PIK3C2A: variants seen among roughly 807,000 people sequenced by gnomAD.
PIK3C2A encodes phosphatidylinositol 4-phosphate 3-kinase C2 domain-containing subunit alpha.
Under a neutral mutation model 204.5 loss-of-function variants are expected in PIK3C2A, and 97 were observed. The observed-to-expected ratio is 0.47, with a 90% confidence interval of 0.40 to 0.56. PIK3C2A has a LOEUF of 0.56. Among genes scored for constraint, PIK3C2A ranks in the 20% least tolerant of loss-of-function variants. PIK3C2A has a pLI of 0.00. For synonymous variants in PIK3C2A, 653 were observed against 664.4 expected, an observed-to-expected ratio of 0.98 and a Z score of 0.26; for missense variants, 1,735 against 1,969.2, an observed-to-expected ratio of 0.88 and a Z score of 2.25.
At chr11:17,195,549 A>G (rs1160304948) in intron 1 of PIK3C2A, among the ~76,000 whole-genome samples, 1 of 151,292 alleles carries the variant, frequency 6.6e-6, no homozygotes, top group African/African-American at 2.4e-5. Flanking sequence ...GTGAAACTCC[A>G]TCTCTACCAA....
intron 3 of PIK3C2A, among the ~76,000 whole-genome samples, chr11:17,152,026 C>G (rs537050176): frequency 2.0e-5 from 3 of 152,174 alleles, no homozygotes; most frequent in Non-Finnish European, 4.4e-5. Flanking sequence ...AAAGTAAAAG[C>G]AGAAATTCTT....
intron 19 of PIK3C2A, chr11:17,115,651 T>C (rs940448760): frequency 6.6e-6 from 1 of 152,170 alleles, no homozygotes; most frequent in Non-Finnish European, 1.5e-5. Flanking sequence ...CTTTTTTATT[T>C]AAAAATTTTT....
chr11:17,206,453 T>C (rs1352072567), intron 1 of PIK3C2A, among the ~76,000 whole-genome samples: 1 of 151,980 alleles, frequency 6.6e-6, no homozygotes, highest in Non-Finnish European at 1.5e-5. Flanking sequence ...TAGGGTCCTT[T>C]CGTCTAATTT....
At chr11:17,149,876 C>T (rs1850371831) in intron 4 of PIK3C2A, among the ~76,000 whole-genome samples, 1 of 152,082 alleles carries the variant, frequency 6.6e-6, no homozygotes, top group Admixed American at 6.6e-5. Flanking sequence ...AGACACATTC[C>T]TAGTCATAAC....
Position 17,184,137 on chromosome 11 carries a change from TTA to T in PIK3C2A, c.-65-14333_-65-14332del, listed in dbSNP as rs1851665832. On this transcript the variant is annotated intron_variant, in intron 1 of 32. Transcript: ENST00000691414. The stretch of plus-strand genomic sequence containing the variant: ...ATCCTGTCTCTAAAAAGAAAAAAGA[TTA>T]TAATGTTATAACAGAGATGAAAAAC... Among the ~76,000 whole-genome samples, 3 of 151,914 alleles carry T rather than the reference TTA, an allele frequency of 2.0e-5. No individual in the cohort carries two copies. In the South Asian group the frequency reaches 6.2e-4, roughly 32 times the overall value.
At chr11:17,122,365 C>T in intron 14 of PIK3C2A, 32 bp from the exon 15 acceptor site, 1 of 1,400,916 alleles carries the variant, frequency 7.1e-7, no homozygotes, top group South Asian at 1.2e-5. Flanking sequence ...GATCAAATTA[C>T]AGTCTACGTA....
Position 17,169,130 on chromosome 11 carries a change from T to A in PIK3C2A, c.612A>T (p.Thr204=). ...PYFSYPLTPA[T]PFHPQGSLPI... ...GTAAGCTTCCTTGTGGATGAAAGGG[T>A]GTGGCAGGTGTCAAAGGATATGAGA... The change falls in exon 2 of 33, where the codon ACA becomes ACT. Residue 204 remains threonine, a synonymous_variant. Coordinates refer to ENST00000691414, the MANE Select transcript of PIK3C2A (RefSeq NM_002645.4). The A allele has an allele frequency of 6.2e-7, 1 of 1,614,128 alleles. No homozygotes were observed. Among genetic ancestry groups the A allele is most frequent in the Non-Finnish European group, 8.5e-7 (1 of 1,180,006 alleles).
intron 9 of PIK3C2A, 77 bp downstream of exon 9, chr11:17,136,405 G>A (rs180831637): frequency 9.3e-7 from 1 of 1,074,140 alleles, no homozygotes; most frequent in Non-Finnish European, 1.4e-6. Flanking sequence ...ACAATATTTT[G>A]TCTAGGATAA....
intron 1 of PIK3C2A, among the ~76,000 whole-genome samples, chr11:17,181,659 T>C (rs7110484): frequency 0.85 from 94,843 of 112,224 alleles, 40,057 homozygotes; most frequent in Middle Eastern, 0.93. Context: ...TATATATATA[T>C]ACACACACAC....
At chr11:17,109,402 T>C (rs1848926886) in intron 22 of PIK3C2A, among the ~76,000 whole-genome samples, 1 of 152,256 alleles carries the variant, frequency 6.6e-6, no homozygotes, top group African/African-American at 2.4e-5. Flanking sequence ...TGCCATTTAT[T>C]GAGCACATAA....
rs139987687 is a variant in PIK3C2A, at chr11:17,136,613, C to A, written c.1717G>T (p.Ala573Ser). 2.5e-6 allele frequency: 4 copies of A among 1,572,172 alleles called. No homozygotes were observed. The highest frequency in any genetic ancestry group is 3.5e-6 in the Non-Finnish European group (4 of 1,153,994). The change falls in exon 9 of 33, where the codon GCA becomes TCA. Residue 573 changes from alanine (A) to serine (S), a missense_variant. Coordinates refer to ENST00000691414, the MANE Select transcript of PIK3C2A (RefSeq NM_002645.4). ...LALQIENQHR[A>S]VDQVIKAVRK... ...ACAGCTTTAATTACTTGATCTACTG[C>A]TCGGTGTTGGTTCTTTAAAAATAAA...
intron 13 of PIK3C2A, among the ~76,000 whole-genome samples, chr11:17,123,423 T>G (rs1170438635): frequency 6.9e-6 from 1 of 144,370 alleles, no homozygotes; most frequent in African/African-American, 2.6e-5. Flanking sequence ...TAATTCTTGT[T>G]TTTTTTTTTT....
At position 17,150,930 on chromosome 11, in the gene PIK3C2A, G is replaced by A. The variant is rs144295367; in HGVS notation, c.1170-275C>T. The stretch of plus-strand genomic sequence containing the variant: ...TACCCAAGCACATGCTTGGATAAAT[G>A]GCATTTTAAATGAGGTCCTCTGCTT... On this transcript the variant is annotated intron_variant, in intron 3 of 32. Transcript: ENST00000691414. Among the ~76,000 whole-genome samples, 6 of 152,210 alleles carry A rather than the reference G, an allele frequency of 3.9e-5. No individual in the cohort carries two copies. The East Asian group carries it at 1.2e-3, about 29-fold the overall frequency.
intron 4 of PIK3C2A, among the ~76,000 whole-genome samples, chr11:17,150,004 C>T (rs1850376168): frequency 6.6e-6 from 1 of 152,018 alleles, no homozygotes; most frequent in Non-Finnish European, 1.5e-5. Flanking sequence ...ATAAACTCTG[C>T]AAGGAAATAA....
At chr11:17,163,656 C>T (rs933467804) in intron 2 of PIK3C2A, among the ~76,000 whole-genome samples, 1 of 151,984 alleles carries the variant, frequency 6.6e-6, no homozygotes, top group Non-Finnish European at 1.5e-5. Context: ...TCAAGCAATC[C>T]TCCCACCTCG....
At chr11:17,095,870 T>C (rs993362976) in intron 27 of PIK3C2A, among the ~76,000 whole-genome samples, 11 of 150,950 alleles carry the variant, frequency 7.3e-5, no homozygotes, top group South Asian at 2.1e-4. Context: ...GGAGACGAGA[T>C]TGCGCCACTG....
At position 17,148,695 on chromosome 11, in the gene PIK3C2A, C is replaced by T. The variant is rs1850330717; in HGVS notation, c.1420G>A (p.Val474Ile). ...TGCAGCACTTCCTCTTGACCACAAA[C>T]TTTTAGAACATAGCTGCCAACATCT... ...QVDVGSYVLKVCGQEEVLQNN... is the reference protein window; with the variant it reads ...QVDVGSYVLKICGQEEVLQNN... The change falls in exon 5 of 33, where the codon GTT becomes ATT. Residue 474 changes from valine (V) to isoleucine (I), a missense_variant. Physicochemically the swap from Val to Ile is conservative, Grantham distance 29 (BLOSUM62 3). Coordinates refer to ENST00000691414, the MANE Select transcript of PIK3C2A (RefSeq NM_002645.4). 1 of 1,613,468 alleles carries T rather than the reference C, an allele frequency of 6.2e-7. No individual in the cohort carries two copies. The highest frequency in any genetic ancestry group is 2.2e-5 in the East Asian group (1 of 44,792).
chr11:17,130,215 T>C (rs1288693588), intron 12 of PIK3C2A, among the ~76,000 whole-genome samples: 2 of 151,840 alleles, frequency 1.3e-5, no homozygotes, highest in Non-Finnish European at 2.9e-5. Flanking sequence ...TTCCCTCCCA[T>C]GAAAAAAAGA....
chr11:17,193,963 A>G (rs1852048810), intron 1 of PIK3C2A: 2 of 341,600 alleles, frequency 5.9e-6, no homozygotes, highest in Non-Finnish European at 1.1e-5. Flanking sequence ...GGTGGACCCC[A>G]AATTCCTGAG....
Sources: gnomAD v4.1 joint callset for allele counts (sites outside exome capture counted in the v4.1 genomes callset) on GRCh38, gnomAD v4.1.1 for gene constraint, MANE v1.5 for transcripts, NCBI Gene and HGNC (gene_info 2026-07-23, HGNC 2026-07-21) for gene names.